Variants in WASHC5 observed in about 807,000 individuals in gnomAD.
WASHC5 encodes WASH complex subunit 5.
A neutral mutation model predicts 150.4 loss-of-function variants in WASHC5; 101 were observed. The observed-to-expected ratio is 0.67, with a 90% CI of 0.57 to 0.79. The LOEUF is 0.79. WASHC5 is among the 30% of genes least tolerant of loss of function. WASHC5 has a pLI of 0.00. For synonymous variants in WASHC5, 467 were observed against 491.2 expected, an observed-to-expected ratio of 0.95 and a Z score of 0.65; for missense variants, 1,195 against 1,396.3, an observed-to-expected ratio of 0.86 and a Z score of 2.30.
intron 10 of WASHC5, among the ~76,000 whole-genome samples, chr8:125,064,527 T>C (rs1816693929): frequency 6.6e-6 from 1 of 152,062 alleles, no homozygotes; most frequent in Non-Finnish European, 1.5e-5. Context: ...GCCTTAATTC[T>C]GTTTATTAAT....
chr8:125,059,844 T>G (rs1816537311), intron 12 of WASHC5, among the ~76,000 whole-genome samples: 2 of 152,206 alleles, frequency 1.3e-5, no homozygotes, highest in Non-Finnish European at 2.9e-5. Context: ...GTCTTGAAAT[T>G]TTAATGTATA....
At position 125,024,394 on chromosome 8, in the gene WASHC5, C is replaced by T; in HGVS notation, c.*223G>A. ...AGAGGCAGTACAAAAATGTGTTCTG[C>T]TTTTATCTGATATAAATTGCATGTA... On this transcript the variant is annotated 3_prime_UTR_variant, in exon 29 of 29. Transcript: ENST00000318410. The T allele has an allele frequency of 1.7e-6, 1 of 593,920 alleles. No homozygotes were observed. The highest frequency in any genetic ancestry group is 2.9e-5 in the East Asian group (1 of 34,202). The allele number at this position is 593,920 out of a possible 1,614,324, so 36.8% of individuals were successfully genotyped here.
chr8:125,033,825 G>C (rs1044668158), intron 26 of WASHC5, among the ~76,000 whole-genome samples: 9 of 152,118 alleles, frequency 5.9e-5, no homozygotes, highest in African/African-American at 2.2e-4. Context: ...TGGGATTACA[G>C]GCATGGGCCA....
At chr8:125,060,007 A>G (rs1170700448) in intron 12 of WASHC5, among the ~76,000 whole-genome samples, 1 of 152,236 alleles carries the variant, frequency 6.6e-6, no homozygotes, top group African/African-American at 2.4e-5. Context: ...GTTCTGGAAT[A>G]AGAAACTTTG....
chr8:125,041,195 C>G (rs1284904356), intron 23 of WASHC5, among the ~76,000 whole-genome samples: 1 of 152,116 alleles, frequency 6.6e-6, no homozygotes. Flanking sequence ...ACTTTTTCTG[C>G]CTATAAATGT....
rs943736396 is a variant in WASHC5, at chr8:125,029,361, G to T, written c.3336-654C>A. Among the ~76,000 whole-genome samples, 4 of 152,226 alleles carry T rather than the reference G, an allele frequency of 2.6e-5. No individual in the cohort carries two copies. In the East Asian group the frequency reaches 7.7e-4, roughly 29 times the overall value. ...ACACTGATTTGAAAGTAAACTTCTA[G>T]ACATTGTTCGAGTCTCAGCTTGGGT... On this transcript the variant is annotated intron_variant, in intron 27 of 28. Transcript: ENST00000318410.
At chr8:125,065,163 T>G (rs16900320) in intron 10 of WASHC5, among the ~76,000 whole-genome samples, 1 of 152,014 alleles carries the variant, frequency 6.6e-6, no homozygotes, top group Non-Finnish European at 1.5e-5. Flanking sequence ...ATATAAAGAT[T>G]AGAAAAAACA....
At chr8:125,062,605 G>C (rs1029748430) in intron 11 of WASHC5, among the ~76,000 whole-genome samples, 4 of 152,072 alleles carry the variant, frequency 2.6e-5, no homozygotes, top group Non-Finnish European at 4.4e-5. Context: ...ACGTTGGCTG[G>C]CTTTTCCCTA....
chr8:125,049,157 T>C lies in WASHC5; in HGVS notation c.2228A>G (p.Glu743Gly). Residue 743 changes from glutamate to glycine, a missense_variant, in exon 19 of 29, where the codon GAG becomes GGG. Glu to Gly is a moderately conservative substitution (Grantham distance 98). Around this residue, in one of 3 missense-constraint regions of WASHC5, gnomAD observed 997 missense variants for 1,168.1 expected, o/e 0.85. Transcript: ENST00000318410. ...KPSELMPKLK[E>G]LGATMDGFHR... ...GAATCCATCCATGGTCGCTCCCAAC[T>C]CTTTCAGCTTGGGCATCAATTCACT... 7 of 1,614,098 alleles carry C rather than the reference T, an allele frequency of 4.3e-6. No individual in the cohort carries two copies. In the Middle Eastern group the frequency reaches 4.9e-4, roughly 114 times the overall value.
At chr8:125,071,481 A>G (rs761798959) in intron 9 of WASHC5, among the ~76,000 whole-genome samples, 10 of 152,282 alleles carry the variant, frequency 6.6e-5, no homozygotes, top group Non-Finnish European at 1.2e-4. Context: ...CAGTGGGCCC[A>G]TATGTTTTTC....
At chr8:125,056,857 G>C in intron 15 of WASHC5, 40 bp from the exon 16 acceptor site, 1 of 1,613,536 alleles carries the variant, frequency 6.2e-7, no homozygotes, top group Non-Finnish European at 8.5e-7. Flanking sequence ...ATGAACATCT[G>C]TTTTACTTTT....
At chr8:125,074,923 A>C (rs892573465) in intron 8 of WASHC5, 75 bp downstream of exon 8, 1 of 878,716 alleles carries the variant, frequency 1.1e-6, no homozygotes, top group Admixed American at 1.7e-5. Flanking sequence ...TTCCTTGGGA[A>C]ATCTACTTAG....
intron 6 of WASHC5, among the ~76,000 whole-genome samples, chr8:125,077,017 T>C (rs1261963441): frequency 6.6e-6 from 1 of 152,184 alleles, no homozygotes; most frequent in Non-Finnish European, 1.5e-5. Flanking sequence ...TCTCTCCTTC[T>C]CTGGTTTCCT....
chr8:125,089,532 G>A (rs921934769), intron 1 of WASHC5, among the ~76,000 whole-genome samples: 11 of 152,234 alleles, frequency 7.2e-5, no homozygotes, highest in African/African-American at 2.7e-4. Context: ...GACTCATGAA[G>A]AGGAGGACAA....
intron 14 of WASHC5, 132 bp from the exon 15 acceptor site, chr8:125,057,798 T>C (rs1586360897): frequency 2.8e-6 from 2 of 711,768 alleles, no homozygotes; most frequent in East Asian, 2.7e-5. Context: ...TTTCTGACAA[T>C]ACAGTTTTTG....
At chr8:125,075,765 C>T (rs1235413879) in intron 7 of WASHC5, among the ~76,000 whole-genome samples, 1 of 152,134 alleles carries the variant, frequency 6.6e-6, no homozygotes, top group African/African-American at 2.4e-5. Context: ...CTGCTACATG[C>T]GAATATAATC....
chr8:125,026,982 C>G (rs1815394747), intron 28 of WASHC5, among the ~76,000 whole-genome samples: 1 of 151,922 alleles, frequency 6.6e-6, no homozygotes, highest in African/African-American at 2.4e-5. Flanking sequence ...ATTCGAGGAC[C>G]CTCATTCAGA....
chr8:125,070,453 C>T (rs370500296), intron 9 of WASHC5, among the ~76,000 whole-genome samples: 36 of 152,284 alleles, frequency 2.4e-4, no homozygotes, highest in African/African-American at 8.4e-4. Context: ...GGCATGGGTG[C>T]GAATTCAGGA....
intron 25 of WASHC5, among the ~76,000 whole-genome samples, chr8:125,037,939 G>C (rs1246323357): frequency 6.6e-6 from 1 of 152,200 alleles, no homozygotes; most frequent in African/African-American, 2.4e-5. Flanking sequence ...TTCCATAGGA[G>C]ACAGGGTAGC....
Sources: gnomAD v4.1 joint callset for allele counts (sites outside exome capture counted in the v4.1 genomes callset) on GRCh38, gnomAD v4.1.1 for gene constraint, gnomAD v4.1.1 regional missense constraint, MANE v1.5 for transcripts, NCBI Gene and HGNC (gene_info 2026-07-23, HGNC 2026-07-21) for gene names.